The following SGCZ variants were observed in gnomAD, a reference collection of about 807,000 sequenced individuals.
SGCZ encodes the protein zeta-sarcoglycan.
A neutral mutation model predicts 41.3 loss-of-function variants in SGCZ; 40 were observed. That is an observed-to-expected ratio of 0.97 (90% CI 0.75 to 1.26). The LOEUF is 1.26. SGCZ is among the 50% of genes most tolerant of loss of function. The pLI, the probability that SGCZ is intolerant of heterozygous loss-of-function variation, is 0.00. For synonymous variants in SGCZ, 206 were observed against 137.5 expected, an observed-to-expected ratio of 1.50 and a Z score of -3.49; for missense variants, 552 against 369.8, an observed-to-expected ratio of 1.49 and a Z score of -4.04.
At chr8:14,402,521 C>T (rs1291432403) in intron 2 of SGCZ, among the ~76,000 whole-genome samples, 1 of 149,246 alleles carries the variant, frequency 6.7e-6, no homozygotes, top group Non-Finnish European at 1.5e-5. Context: ...AGCCAGTTTT[C>T]CCAGCACCAT....
At chr8:15,073,563 AT>A (rs1805427113) in intron 1 of SGCZ, among the ~76,000 whole-genome samples, 1 of 152,218 alleles carries the variant, frequency 6.6e-6, no homozygotes, top group Non-Finnish European at 1.5e-5. Context: ...TGTGATTAAC[AT>A]TTTAATCTGT....
rs186309776 is a variant in SGCZ at position 14,776,888 on chromosome 8, T to C, written c.40-221962A>G. On this transcript the variant is annotated intron_variant, in intron 1 of 7. Coordinates refer to ENST00000382080, the MANE Select transcript of SGCZ (RefSeq NM_139167.4). ...CTGAAATAAATTAAATACCAGGTTA[T>C]AGACTGACCACAGAAATGTTAGAAC... 3.5e-3 allele frequency among the ~76,000 whole-genome samples: 538 copies of C among 152,336 alleles called. 1 individual carries two copies. Among genetic ancestry groups the C allele is most frequent in the Non-Finnish European group, 5.9e-3 (402 of 68,024 alleles).
At chr8:15,229,381 T>C (rs74651066) in intron 1 of SGCZ, among the ~76,000 whole-genome samples, 3,075 of 152,240 alleles carry the variant, frequency 0.02, 96 homozygotes, top group African/African-American at 0.069. Context: ...AAAAATATTA[T>C]GAGGCTAGGA....
intron 1 of SGCZ, among the ~76,000 whole-genome samples, chr8:15,027,283 G>T (rs1000402167): frequency 5.9e-5 from 9 of 152,062 alleles, no homozygotes; most frequent in Admixed American, 2.0e-4. Flanking sequence ...AGAAAACATT[G>T]TTTTGCTATG....
intron 1 of SGCZ, among the ~76,000 whole-genome samples, chr8:14,894,773 T>G (rs1438829313): frequency 6.6e-6 from 1 of 151,672 alleles, no homozygotes; most frequent in East Asian, 1.9e-4. Flanking sequence ...CAAAAAAAAG[T>G]GAATAAATAA....
At chr8:15,167,278 G>A (rs1252576333) in intron 1 of SGCZ, among the ~76,000 whole-genome samples, 1 of 152,250 alleles carries the variant, frequency 6.6e-6, no homozygotes, top group African/African-American at 2.4e-5. Flanking sequence ...GGATAGGTAT[G>A]CTTCCCTTTA....
chr8:14,865,212 T>G lies in SGCZ; in HGVS notation c.40-310286A>C, dbSNP rs1408830651. On this transcript the variant is annotated intron_variant, in intron 1 of 7. Coordinates refer to ENST00000382080, the MANE Select transcript of SGCZ (RefSeq NM_139167.4). Reference sequence around the variant, plus strand: ...GCTACACCACCACCACTTCACCTCCTGCATCTCCTCTCAACGTCCTGCGTC... The same window carrying G: ...GCTACACCACCACCACTTCACCTCCGGCATCTCCTCTCAACGTCCTGCGTC... 2.6e-5 allele frequency among the ~76,000 whole-genome samples: 4 copies of G among 152,094 alleles called. No individual in the cohort carries two copies. In the East Asian group the frequency reaches 7.7e-4, roughly 29 times the overall value.
At chr8:14,933,244 G>GA (rs1799971748) in intron 1 of SGCZ, among the ~76,000 whole-genome samples, 1 of 151,342 alleles carries the variant, frequency 6.6e-6, no homozygotes, top group Non-Finnish European at 1.5e-5. Context: ...ATAAGAGCTG[G>GA]AAAAAAAGAA....
At chr8:14,713,669 A>T (rs1585202666) in intron 1 of SGCZ, among the ~76,000 whole-genome samples, 1 of 150,616 alleles carries the variant, frequency 6.6e-6, no homozygotes, top group South Asian at 2.1e-4. Flanking sequence ...CAACCCTTAA[A>T]AACAGTAATA....
At chr8:14,109,680 A>G (rs1348559284) in intron 5 of SGCZ, among the ~76,000 whole-genome samples, 5 of 152,330 alleles carry the variant, frequency 3.3e-5, no homozygotes, top group African/African-American at 1.2e-4. Flanking sequence ...TAAAATTCCA[A>G]TTCCTTAAAA....
intron 2 of SGCZ, among the ~76,000 whole-genome samples, chr8:14,376,277 C>T (rs1274601814): frequency 6.6e-6 from 1 of 152,008 alleles, no homozygotes; most frequent in Non-Finnish European, 1.5e-5. Flanking sequence ...TGCCACTGCA[C>T]TCTAGCCTGG....
intron 1 of SGCZ, among the ~76,000 whole-genome samples, chr8:14,627,088 A>G (rs949544151): frequency 6.6e-6 from 1 of 152,192 alleles, no homozygotes; most frequent in Non-Finnish European, 1.5e-5. Context: ...TTGTAATGCC[A>G]TTTAGAAAAT....
chr8:14,815,767 T>C (rs536544259), intron 1 of SGCZ, among the ~76,000 whole-genome samples: 1 of 152,330 alleles, frequency 6.6e-6, no homozygotes, highest in South Asian at 2.1e-4. Flanking sequence ...CAATCTATTA[T>C]ACTATCTGAT....
At chr8:14,126,163 C>G (rs1416620727) in intron 5 of SGCZ, among the ~76,000 whole-genome samples, 2 of 152,020 alleles carry the variant, frequency 1.3e-5, no homozygotes, top group Non-Finnish European at 2.9e-5. Flanking sequence ...TCTGCACAGC[C>G]AAAAGAAACC....
At chr8:14,610,774 C>T (rs572983699) in intron 1 of SGCZ, among the ~76,000 whole-genome samples, 7 of 152,138 alleles carry the variant, frequency 4.6e-5, no homozygotes, top group Middle Eastern at 3.4e-3. Context: ...AAGGCTCAAA[C>T]GTGAAGGAAT....
At chr8:14,926,695 C>T (rs1170234421) in intron 1 of SGCZ, among the ~76,000 whole-genome samples, 2 of 151,912 alleles carry the variant, frequency 1.3e-5, no homozygotes, top group South Asian at 4.2e-4. Context: ...GACTGGAGTG[C>T]AGTGGCATGA....
At chr8:14,463,785 G>A (rs1331445346) in intron 2 of SGCZ, among the ~76,000 whole-genome samples, 1 of 151,582 alleles carries the variant, frequency 6.6e-6, no homozygotes, top group African/African-American at 2.4e-5. Context: ...TGTTAAGGAA[G>A]TTTCCCTCTA....
chr8:14,431,877 T>C (rs1028562849), intron 2 of SGCZ, among the ~76,000 whole-genome samples: 7 of 152,070 alleles, frequency 4.6e-5, no homozygotes, highest in Admixed American at 4.6e-4. Flanking sequence ...AGGATATGAA[T>C]ACACAGTTCT....
intron 1 of SGCZ, among the ~76,000 whole-genome samples, chr8:15,177,912 C>T (rs1205089834): frequency 6.6e-6 from 1 of 152,116 alleles, no homozygotes; most frequent in Non-Finnish European, 1.5e-5. Flanking sequence ...TCCTGATATA[C>T]CCAGAACAGC....
Sources: gnomAD v4.1 joint callset for allele counts (sites outside exome capture counted in the v4.1 genomes callset) on GRCh38, gnomAD v4.1.1 for gene constraint, MANE v1.5 for transcripts, NCBI Gene and HGNC (gene_info 2026-07-23, HGNC 2026-07-21) for gene names.